ZC3H18: variants seen among roughly 807,000 people sequenced by gnomAD.
The protein encoded by ZC3H18 is zinc finger CCCH-type containing 18, also known as zinc finger CCCH domain-containing protein 18.
A neutral mutation model predicts 106.1 loss-of-function variants in ZC3H18; 8 were observed. That is an observed-to-expected ratio of 0.08 (90% confidence interval 0.04 to 0.14). The LOEUF is 0.14. ZC3H18 is among the 10% of genes least tolerant of loss of function. ZC3H18 has a pLI of 1.00. For synonymous variants in ZC3H18, 635 were observed against 522.1 expected (o/e 1.22, Z -2.95); for missense variants, 1,318 against 1,278.4 (o/e 1.03, Z -0.47).
chr16:88,615,503 T>G (rs1047465572), intron 8 of ZC3H18, among the ~76,000 whole-genome samples: 25 of 152,184 alleles, frequency 1.6e-4, no homozygotes, highest in African/African-American at 5.3e-4. Context: ...AGTTTTGGAT[T>G]TGGTATCAGC....
At chr16:88,579,067 T>C (rs978108485) in intron 2 of ZC3H18, among the ~76,000 whole-genome samples, 1 of 152,180 alleles carries the variant, frequency 6.6e-6, no homozygotes, top group African/African-American at 2.4e-5. Context: ...CCATCGCTGC[T>C]CTCTGTGGCA....
intron 2 of ZC3H18, among the ~76,000 whole-genome samples, chr16:88,581,872 G>A (rs1400739373): frequency 6.6e-6 from 1 of 152,242 alleles, no homozygotes; most frequent in Non-Finnish European, 1.5e-5. Context: ...TGCCGTTACA[G>A]TTGAGAGGCC....
At chr16:88,609,205 C>G in intron 7 of ZC3H18, 154 bp downstream of exon 7, 1 of 490,450 alleles carries the variant, frequency 2.0e-6, no homozygotes. Flanking sequence ...TTACGGAGAA[C>G]GAATTCAGAG....
At position 88,598,683 on chromosome 16, in the gene ZC3H18, T is replaced by G; in HGVS notation, c.901T>G (p.Trp301Gly). Residue 301 changes from tryptophan (W) to glycine (G), a missense_variant, in exon 5 of 18, where the codon TGG becomes GGG. Transcript: ENST00000301011. ...PPPEPPTESA[W>G]ERGLRHAKEV... ...TCCAGAGCCCCCAACAGAGAGTGCC[T>G]GGGAACGAGGACTCCGGCATGCAAA... The G allele has an allele frequency of 6.2e-7, 1 of 1,612,948 alleles. No homozygotes were observed. Among genetic ancestry groups the G allele is most frequent in the Non-Finnish European group, 8.5e-7 (1 of 1,179,434 alleles).
chr16:88,590,543 C>A (rs928049738), intron 3 of ZC3H18, among the ~76,000 whole-genome samples: 1 of 137,196 alleles, frequency 7.3e-6, no homozygotes, highest in Non-Finnish European at 1.6e-5. Flanking sequence ...AAACTGTGTC[C>A]CACTTTGGGT....
intron 16 of ZC3H18, 116 bp from the exon 17 acceptor site, chr16:88,630,369 G>T: frequency 1.4e-6 from 1 of 696,370 alleles, no homozygotes; most frequent in Non-Finnish European, 2.4e-6. Flanking sequence ...AAAAATGAAG[G>T]TGGTGAACTA....
chr16:88,589,912 C>G (rs756516388), intron 3 of ZC3H18, among the ~76,000 whole-genome samples: 1 of 152,180 alleles, frequency 6.6e-6, no homozygotes, highest in Admixed American at 6.5e-5. Flanking sequence ...ATACTGCAAA[C>G]CAGTGAATTG....
At chr16:88,599,665 C>G in intron 5 of ZC3H18, 126 bp from the exon 6 acceptor site, 1 of 1,171,568 alleles carries the variant, frequency 8.5e-7, no homozygotes, top group Non-Finnish European at 1.2e-6. Context: ...CCCTTGAGCA[C>G]TTGCAGCGTG....
At chr16:88,572,480 CTATCAAG>C (rs1487746456) in intron 1 of ZC3H18, among the ~76,000 whole-genome samples, 1 of 151,934 alleles carries the variant, frequency 6.6e-6, no homozygotes, top group African/African-American at 2.4e-5. Flanking sequence ...CAACAAATAT[CTATCAAG>C]TATCATCTGC....
At chr16:88,603,258 A>AG (rs1904843699) in intron 6 of ZC3H18, among the ~76,000 whole-genome samples, 1 of 150,318 alleles carries the variant, frequency 6.7e-6, no homozygotes, top group Non-Finnish European at 1.5e-5. Flanking sequence ...GAGCCACCGC[A>AG]CCTGGCCTGT....
chr16:88,574,462 G>A (rs1914612457), intron 1 of ZC3H18, among the ~76,000 whole-genome samples: 1 of 151,790 alleles, frequency 6.6e-6, no homozygotes, highest in Non-Finnish European at 1.5e-5. Context: ...ACCTGCCTTG[G>A]CCTCCCAAAG....
chr16:88,588,163 G>A (rs1915545111), intron 3 of ZC3H18, among the ~76,000 whole-genome samples: 1 of 152,198 alleles, frequency 6.6e-6, no homozygotes, highest in Admixed American at 6.5e-5. Context: ...TTAAGCAGAA[G>A]ACCTCTTTTC....
chr16:88,574,520 T>A lies in ZC3H18; in HGVS notation c.-14-2590T>A, dbSNP rs78474618. On this transcript the variant is annotated intron_variant, in intron 1 of 17. Transcript: ENST00000301011. Reference sequence around the variant, plus strand: ...CACCACGCCTGGCCAGATTTGGGTTTTTTTGGCTTTTTTGTTTTTTGTTTG... The same window carrying A: ...CACCACGCCTGGCCAGATTTGGGTTATTTTGGCTTTTTTGTTTTTTGTTTG... Among the ~76,000 whole-genome samples, 439 of 151,224 alleles carry A rather than the reference T, an allele frequency of 2.9e-3. 4 individuals carry two copies. The highest frequency in any genetic ancestry group is 0.01 in the African/African-American group (421 of 41,236).
At chr16:88,575,219 A>G (rs1325978356) in intron 1 of ZC3H18, among the ~76,000 whole-genome samples, 1 of 152,012 alleles carries the variant, frequency 6.6e-6, no homozygotes, top group Non-Finnish European at 1.5e-5. Context: ...GATACTGTGC[A>G]TCTTTAAACA....
intron 3 of ZC3H18, 123 bp downstream of exon 3, chr16:88,586,807 AGGT>A (rs113134808): frequency 0.17 from 82,412 of 480,220 alleles, 6,202 homozygotes; most frequent in East Asian, 0.21. Flanking sequence ...ATTACTGGCT[AGGT>A]GGTGGTGGTG....
At chr16:88,572,173 A>C (rs1914448478) in intron 1 of ZC3H18, among the ~76,000 whole-genome samples, 1 of 152,262 alleles carries the variant, frequency 6.6e-6, no homozygotes, top group Admixed American at 6.5e-5. Context: ...GAATACCAGA[A>C]GACTTCTTTA....
intron 13 of ZC3H18, chr16:88,626,321 G>A (rs1843216283): frequency 6.6e-6 from 1 of 152,080 alleles, no homozygotes; most frequent in African/African-American, 2.4e-5. Context: ...GGAGGTCAAG[G>A]TTGAATGAGC....
intron 3 of ZC3H18, among the ~76,000 whole-genome samples, chr16:88,595,012 G>A (rs894807655): frequency 5.3e-5 from 8 of 152,154 alleles, no homozygotes; most frequent in African/African-American, 9.7e-5. Flanking sequence ...TTAGCCAGGC[G>A]TGGTGGTGCA....
intron 5 of ZC3H18, among the ~76,000 whole-genome samples, 192 bp downstream of exon 5, chr16:88,598,904 G>T (rs1031991910): frequency 1.3e-5 from 2 of 152,084 alleles, no homozygotes; most frequent in Non-Finnish European, 2.9e-5. Context: ...TTGTTGCCCA[G>T]GCTGGAGTGC....
Sources: allele counts gnomAD v4.1 joint callset (sites outside exome capture counted in the v4.1 genomes callset), GRCh38; gene constraint gnomAD v4.1.1; transcripts MANE v1.5; gene names NCBI Gene and HGNC (gene_info 2026-07-23, HGNC 2026-07-21).